The following HEATR5B variants were observed in gnomAD, a reference collection of about 807,000 sequenced individuals.
HEATR5B encodes HEAT repeat-containing protein 5B.
A neutral mutation model predicts 224.1 loss-of-function variants in HEATR5B; 156 were observed. The observed-to-expected ratio is 0.70, with a 90% CI of 0.61 to 0.80. HEATR5B has a LOEUF of 0.80. Ranked by LOEUF, HEATR5B falls within the 30% of genes least tolerant of loss-of-function variation. HEATR5B has a pLI of 0.00. For synonymous variants in HEATR5B, 1,027 were observed against 893.0 expected, an observed-to-expected ratio of 1.15 and a Z score of -2.68; for missense variants, 2,323 against 2,535.5, an observed-to-expected ratio of 0.92 and a Z score of 1.80.
intron 24 of HEATR5B, among the ~76,000 whole-genome samples, chr2:37,024,337 T>C (rs142810874): frequency 2.0e-5 from 3 of 152,324 alleles, no homozygotes; most frequent in East Asian, 3.9e-4. Flanking sequence ...ACGGTGACTA[T>C]ACTTAATGAC....
intron 19 of HEATR5B, 56 bp downstream of exon 19, chr2:37,041,077 T>C (rs966320839): frequency 2.6e-4 from 380 of 1,451,744 alleles, no homozygotes; most frequent in Non-Finnish European, 3.5e-4. Flanking sequence ...ATAGAGCAAA[T>C]AATTTTCCAA....
chr2:36,997,355 T>G (rs1424462849), intron 33 of HEATR5B, among the ~76,000 whole-genome samples: 3 of 151,942 alleles, frequency 2.0e-5, no homozygotes, highest in African/African-American at 7.3e-5. Context: ...CAGCTAATTA[T>G]TTATTTTTTA....
At chr2:37,031,193 C>G (rs1031615880) in intron 22 of HEATR5B, among the ~76,000 whole-genome samples, 1 of 152,168 alleles carries the variant, frequency 6.6e-6, no homozygotes, top group African/African-American at 2.4e-5. Context: ...TCATCCTACA[C>G]ACCTTTTATT....
At chr2:37,011,955 C>T (rs559507049) in intron 27 of HEATR5B, among the ~76,000 whole-genome samples, 1 of 152,124 alleles carries the variant, frequency 6.6e-6, no homozygotes, top group Non-Finnish European at 1.5e-5. Context: ...CTGCCAAATG[C>T]TTTCTAAAAA....
intron 33 of HEATR5B, among the ~76,000 whole-genome samples, chr2:37,000,220 G>A (rs949438178): frequency 2.6e-5 from 4 of 151,876 alleles, no homozygotes; most frequent in Non-Finnish European, 5.9e-5. Flanking sequence ...TGGGATTACA[G>A]GCACGTGCCA....
intron 33 of HEATR5B, among the ~76,000 whole-genome samples, chr2:36,993,293 T>C (rs763856874): frequency 6.6e-6 from 1 of 151,752 alleles, no homozygotes; most frequent in Non-Finnish European, 1.5e-5. Context: ...TCCCAACACT[T>C]TGGGAGGCCG....
chr2:37,064,113 C>T (rs1486929354), intron 10 of HEATR5B, among the ~76,000 whole-genome samples: 1 of 152,138 alleles, frequency 6.6e-6, no homozygotes, highest in Admixed American at 6.5e-5. Context: ...CATGCCCGGC[C>T]ATGATTTATT....
At chr2:37,018,325 T>A (rs909008951) in intron 26 of HEATR5B, among the ~76,000 whole-genome samples, 1 of 152,252 alleles carries the variant, frequency 6.6e-6, no homozygotes, top group African/African-American at 2.4e-5. Flanking sequence ...TTTGTCTGCT[T>A]AAATGCTGTG....
chr2:37,004,760 T>C (rs557012739), intron 30 of HEATR5B, among the ~76,000 whole-genome samples: 3 of 152,186 alleles, frequency 2.0e-5, no homozygotes, highest in Non-Finnish European at 4.4e-5. Context: ...TCTAGCAGTT[T>C]CCACTGTTGA....
intron 28 of HEATR5B, 33 bp from the exon 29 acceptor site, chr2:37,007,337 CTTTTT>C (rs3080796): frequency 3.7e-3 from 4,342 of 1,170,562 alleles, no homozygotes; most frequent in East Asian, 0.019. Context: ...AAAAACATTA[CTTTTT>C]TTTTTTTTTT....
At chr2:37,069,040 T>C in intron 7 of HEATR5B, 110 bp from the exon 8 acceptor site, 1 of 1,151,922 alleles carries the variant, frequency 8.7e-7, no homozygotes, top group African/African-American at 1.5e-5. Flanking sequence ...TGAATTGTAT[T>C]TGAGGCTAAA....
chr2:37,002,321 G>C lies in HEATR5B; in HGVS notation c.5302C>G (p.Leu1768Val). 6.2e-7 allele frequency: 1 copy of C among 1,614,182 alleles called. No individual in the cohort carries two copies. The highest frequency in any genetic ancestry group is 1.3e-5 in the African/African-American group (1 of 75,056). The change falls in exon 32 of 36, where the codon CTT becomes GTT. Residue 1768 changes from leucine (L) to valine (V), a missense_variant. By Grantham distance (32) the Leu-to-Val change is conservative. Transcript: ENST00000233099. ...TVTILSDLPS[L>V]CSPAGCMTIL... ...AATACCGTACCAGCGGGTGAACAAA[G>C]GGATGGTAAATCAGAGAGTATGGTA... is the stretch of plus-strand genomic sequence containing the variant.
intron 1 of HEATR5B, among the ~76,000 whole-genome samples, chr2:37,083,743 T>C (rs575459698): frequency 2.0e-5 from 3 of 152,312 alleles, no homozygotes; most frequent in East Asian, 3.9e-4. Context: ...ACCCGTTCTA[T>C]AAATGAAAAA....
intron 35 of HEATR5B, among the ~76,000 whole-genome samples, 195 bp from the exon 36 acceptor site, chr2:36,981,989 A>G (rs2148304611): frequency 6.6e-6 from 1 of 151,932 alleles, no homozygotes; most frequent in East Asian, 1.9e-4. Flanking sequence ...GTTTGTTAAT[A>G]TTGTATATTT....
chr2:37,052,393 T>C (rs748986112), intron 17 of HEATR5B, among the ~76,000 whole-genome samples: 2 of 152,130 alleles, frequency 1.3e-5, no homozygotes, highest in Non-Finnish European at 2.9e-5. Context: ...CTCACAAACT[T>C]AATGCCTTTT....
At chr2:37,046,605 C>T (rs1670210147) in intron 18 of HEATR5B, among the ~76,000 whole-genome samples, 1 of 145,558 alleles carries the variant, frequency 6.9e-6, no homozygotes. Context: ...CACCACTGCA[C>T]TCCAGCCTGG....
rs763220476 is a variant in HEATR5B at position 37,013,968 on chromosome 2, C to T, written c.4157G>A (p.Arg1386His). The T allele has an allele frequency of 1.1e-5, 17 of 1,610,612 alleles. No homozygotes were observed. The highest frequency in any genetic ancestry group is 2.7e-5 in the African/African-American group (2 of 74,774). Residue 1386 changes from arginine (R) to histidine (H), a missense_variant, in exon 27 of 36, where the codon CGT (arginine) becomes CAT (histidine). Arg to His is a conservative substitution (Grantham distance 29). This residue lies in a region of HEATR5B where 339 missense variants were observed against 378.4 expected (regional missense o/e 0.90). Transcript: ENST00000233099. ...AGAAACAAGAAGATTGTGTACTCGA[C>T]GGAGATCATTGAGATCACTGACAAC... Reference protein sequence around the residue: ...SGVVSDLNDLRRVHNLLVSSL... With the variant: ...SGVVSDLNDLHRVHNLLVSSL...
In HEATR5B at chr2:37,056,420, C is replaced by A; in HGVS notation, c.2399+20G>T. 1.3e-6 allele frequency: 2 copies of A among 1,526,916 alleles called. No homozygotes were observed. The highest frequency in any genetic ancestry group is 1.8e-6 in the Non-Finnish European group (2 of 1,137,292). The allele number at this position is 1,526,916 out of a possible 1,614,324, so 94.6% of individuals were successfully genotyped here. On this transcript the variant is annotated intron_variant, in intron 16 of 35. Transcript: ENST00000233099. The stretch of plus-strand genomic sequence containing the variant: ...ATAATATATATTTAACAAAAATTAC[C>A]TGATTGACTTTATACTAACCGGTGT...
intron 26 of HEATR5B, among the ~76,000 whole-genome samples, chr2:37,015,636 C>A (rs544306750): frequency 6.6e-6 from 1 of 152,146 alleles, no homozygotes; most frequent in Admixed American, 6.5e-5. Context: ...TACTGCTTTA[C>A]GGGGATGATA....
Sources: allele counts gnomAD v4.1 joint callset (sites outside exome capture counted in the v4.1 genomes callset), GRCh38; gene constraint gnomAD v4.1.1; regional missense constraint gnomAD v4.1.1; transcripts MANE v1.5; gene names NCBI Gene and HGNC (gene_info 2026-07-23, HGNC 2026-07-21).